SLC44A1: variants seen among roughly 807,000 people sequenced by gnomAD.
SLC44A1 encodes solute carrier family 44 member 1, also known as choline transporter-like protein 1.
A neutral mutation model predicts 79.3 loss-of-function variants in SLC44A1; 26 were observed. That is an observed-to-expected ratio of 0.33 (90% CI 0.24 to 0.46). SLC44A1 has a LOEUF of 0.46. SLC44A1 is among the 20% of genes least tolerant of loss of function. The probability of loss-of-function intolerance (pLI) is 1.00; values close to 1 mark genes in which losing one functional copy is unlikely to be tolerated. For missense variants in SLC44A1, 688 were observed against 798.1 expected, an observed-to-expected ratio of 0.86 and a Z score of 1.66; for synonymous variants, 263 against 286.2, an observed-to-expected ratio of 0.92 and a Z score of 0.82.
At chr9:105,373,080 AC>A (rs1315929303) in intron 12 of SLC44A1, among the ~76,000 whole-genome samples, 1 of 152,198 alleles carries the variant, frequency 6.6e-6, no homozygotes, top group African/African-American at 2.4e-5. Context: ...GGTAATTCAA[AC>A]CTCATCTTCA....
At chr9:105,329,171 C>T (rs146053312) in intron 3 of SLC44A1, among the ~76,000 whole-genome samples, 10 of 152,262 alleles carry the variant, frequency 6.6e-5, no homozygotes, top group East Asian at 5.8e-4. Context: ...GATTCACTCA[C>T]GGCAACACTC....
intron 1 of SLC44A1, among the ~76,000 whole-genome samples, chr9:105,247,429 C>G (rs1016103357): frequency 5.9e-5 from 9 of 152,138 alleles, no homozygotes; most frequent in African/African-American, 2.2e-4. Flanking sequence ...TCCCAAGTAG[C>G]TGGGATTATA....
Position 105,394,016 on chromosome 9 carries a change from G to C in SLC44A1, c.*4960G>C. The C allele has an allele frequency of 1.0e-6, 1 of 984,268 alleles. No homozygotes were observed. Among genetic ancestry groups the C allele is most frequent in the Non-Finnish European group, 1.2e-6 (1 of 828,980 alleles). The allele number at this position is 984,268 out of a possible 1,614,324, so 61.0% of individuals were successfully genotyped here. The stretch of plus-strand genomic sequence containing the variant: ...AACAAGTTATTTTGAAGAGACAATG[G>C]GTCTCTTTGAGCTTAAGAAAGCTAT... On this transcript the variant is annotated 3_prime_UTR_variant, in exon 16 of 16. Coordinates refer to ENST00000374720, the MANE Select transcript of SLC44A1 (RefSeq NM_080546.5).
At chr9:105,403,260 G>A (rs1042799238) in intron 15 of SLC44A1, among the ~76,000 whole-genome samples, 3 of 152,088 alleles carry the variant, frequency 2.0e-5, no homozygotes, top group South Asian at 2.1e-4. Flanking sequence ...GATAGGAAAG[G>A]AAAACACAAA....
chr9:105,307,192 G>T (rs1006442032), intron 2 of SLC44A1, among the ~76,000 whole-genome samples: 3 of 152,084 alleles, frequency 2.0e-5, no homozygotes, highest in African/African-American at 7.2e-5. Flanking sequence ...TGAAATAGAT[G>T]GTATTACTCT....
chr9:105,433,313 A>T lies in SLC44A1; in HGVS notation c.1951-4968A>T, dbSNP rs147900961. On this transcript the variant is annotated intron_variant, in intron 15 of 15. Transcript: ENST00000374724. ...CTCCATCTCAAACAAACAAACAAAC[A>T]AACAAAAAACTTTCGCAAATCAGTA... is the stretch of plus-strand genomic sequence containing the variant. Among the ~76,000 whole-genome samples, 886 of 152,290 alleles carry T rather than the reference A, an allele frequency of 5.8e-3. 7 individuals carry two copies. The highest frequency in any genetic ancestry group is 0.02 in the African/African-American group (848 of 41,540).
chr9:105,421,802 T>G (rs1306528508), intron 15 of SLC44A1, among the ~76,000 whole-genome samples: 1 of 152,078 alleles, frequency 6.6e-6, no homozygotes, highest in Non-Finnish European at 1.5e-5. Flanking sequence ...TTAGCCAGGA[T>G]AGTCTCAATC....
At chr9:105,290,232 A>G (rs77254129) in intron 1 of SLC44A1, among the ~76,000 whole-genome samples, 1 of 152,202 alleles carries the variant, frequency 6.6e-6, no homozygotes, top group South Asian at 2.1e-4. Context: ...AAAAAAGTCA[A>G]TACACCCATT....
intron 15 of SLC44A1, among the ~76,000 whole-genome samples, chr9:105,428,131 A>G (rs767544008): frequency 1.3e-4 from 20 of 152,126 alleles, no homozygotes; most frequent in Non-Finnish European, 2.6e-4. Flanking sequence ...TATAATCTAT[A>G]CGATGTAAAT....
intron 1 of SLC44A1, among the ~76,000 whole-genome samples, chr9:105,266,931 A>G (rs1829976124): frequency 1.3e-5 from 2 of 152,164 alleles, no homozygotes; most frequent in East Asian, 1.9e-4. Flanking sequence ...GAGTCTTCCA[A>G]TCTATGAATG....
At position 105,432,610 on chromosome 9, in the gene SLC44A1, C is replaced by T. The variant is rs190270373; in HGVS notation, c.1951-5671C>T. Among the ~76,000 whole-genome samples, 12 of 152,328 alleles carry T rather than the reference C, an allele frequency of 7.9e-5. No individual in the cohort carries two copies. In the East Asian group the frequency reaches 2.1e-3, roughly 27 times the overall value. ...ATAACAATCCAAGATTGATCCCTTT[C>T]TTCCTGTTTACTGGTGCCAGAGATC... On this transcript the variant is annotated intron_variant, in intron 15 of 15. Coordinates refer to the SLC44A1 transcript ENST00000374724.
chr9:105,336,754 G>A (rs1261103834), intron 4 of SLC44A1, among the ~76,000 whole-genome samples: 7 of 152,178 alleles, frequency 4.6e-5, no homozygotes, highest in Non-Finnish European at 1.0e-4. Context: ...CCTTCTGAAG[G>A]CAGGAGGACT....
chr9:105,353,658 A>G (rs1190601901), intron 5 of SLC44A1, among the ~76,000 whole-genome samples: 1 of 152,210 alleles, frequency 6.6e-6, no homozygotes, highest in Non-Finnish European at 1.5e-5. Flanking sequence ...AGCAGGAAAA[A>G]GAAAACAGGA....
chr9:105,375,987 C>A (rs988467493), intron 13 of SLC44A1, among the ~76,000 whole-genome samples: 1 of 151,994 alleles, frequency 6.6e-6, no homozygotes, highest in African/African-American at 2.4e-5. Flanking sequence ...TACATTACAT[C>A]ATATACATTT....
Position 105,393,673 on chromosome 9 carries a change from G to A in SLC44A1, c.*4617G>A. ...TGATTTTGTACATGTAAAGACAAAT[G>A]ATGATTCAGTTTCAATATTGCATGA... On this transcript the variant is annotated 3_prime_UTR_variant, in exon 16 of 16. Transcript: ENST00000374720. 1.0e-6 allele frequency: 1 copy of A among 984,612 alleles called. No homozygotes were observed. The highest frequency in any genetic ancestry group is 1.2e-6 in the Non-Finnish European group (1 of 829,226). The allele number at this position is 984,612 out of a possible 1,614,324, so 61.0% of individuals were successfully genotyped here.
chr9:105,260,455 A>C (rs1467049680), intron 1 of SLC44A1, among the ~76,000 whole-genome samples: 1 of 152,238 alleles, frequency 6.6e-6, no homozygotes, highest in Non-Finnish European at 1.5e-5. Context: ...GTGAAACCAG[A>C]AGCAACAATA....
chr9:105,255,381 G>T (rs563855866), intron 1 of SLC44A1, among the ~76,000 whole-genome samples: 19 of 152,028 alleles, frequency 1.2e-4, no homozygotes, highest in Non-Finnish European at 2.2e-4. Flanking sequence ...GAATAAATTG[G>T]AATGACCCTC....
At chr9:105,306,627 G>T (rs1831040115) in intron 2 of SLC44A1, among the ~76,000 whole-genome samples, 1 of 144,800 alleles carries the variant, frequency 6.9e-6, no homozygotes. Context: ...AGTGGCCTAT[G>T]TGAAAATATG....
intron 4 of SLC44A1, among the ~76,000 whole-genome samples, chr9:105,341,116 C>A (rs1827073440): frequency 6.6e-6 from 1 of 152,092 alleles, no homozygotes; most frequent in African/African-American, 2.4e-5. Flanking sequence ...GGGTGGATCA[C>A]CTGAGGTCAG....
Sources: gnomAD v4.1 joint callset for allele counts (sites outside exome capture counted in the v4.1 genomes callset) on GRCh38, gnomAD v4.1.1 for gene constraint, MANE v1.5 for transcripts, NCBI Gene and HGNC (gene_info 2026-07-23, HGNC 2026-07-21) for gene names.